The following SNX13 variants were observed in gnomAD, a reference collection of about 807,000 sequenced individuals.
The protein encoded by SNX13 is sorting nexin-13.
Under a neutral mutation model 133.6 loss-of-function variants are expected in SNX13, and 45 were observed. That is an observed-to-expected ratio of 0.34 (90% confidence interval 0.27 to 0.43). SNX13 has a LOEUF of 0.43. Among genes scored for constraint, SNX13 ranks in the 20% least tolerant of loss-of-function variants. The pLI is 1.00. For missense variants in SNX13, 1,032 were observed against 1,145.1 expected (o/e 0.90, Z 1.43); for synonymous variants, 414 against 373.9 (o/e 1.11, Z -1.24).
At chr7:17,919,725 A>G (rs1430608937) in intron 1 of SNX13, among the ~76,000 whole-genome samples, 1 of 152,236 alleles carries the variant, frequency 6.6e-6, no homozygotes, top group Non-Finnish European at 1.5e-5. Context: ...GGAAAGCGAA[A>G]CAAGCATCAT....
chr7:17,890,560 T>G, intron 4 of SNX13, 76 bp from the exon 5 acceptor site: 1 of 1,114,072 alleles, frequency 9.0e-7, no homozygotes, highest in East Asian at 2.5e-5. Flanking sequence ...TAAAAAAGTA[T>G]GCTGTATCTA....
intron 13 of SNX13, 66 bp from the exon 14 acceptor site, chr7:17,834,931 T>A: frequency 2.2e-6 from 2 of 907,302 alleles, no homozygotes; most frequent in Non-Finnish European, 3.4e-6. Context: ...CTTGATAGTA[T>A]GATAATAATG....
chr7:17,910,058 A>C (rs1583733011), intron 1 of SNX13, among the ~76,000 whole-genome samples: 1 of 152,296 alleles, frequency 6.6e-6, no homozygotes, highest in East Asian at 1.9e-4. Context: ...CAAAGGTAGA[A>C]GACAAAGAGA....
At chr7:17,932,494 A>C (rs1383294794) in intron 1 of SNX13, among the ~76,000 whole-genome samples, 1 of 152,206 alleles carries the variant, frequency 6.6e-6, no homozygotes, top group Non-Finnish European at 1.5e-5. Context: ...TTTTCACTTT[A>C]ATCTTAATTT....
At chr7:17,847,989 C>T (rs889225781) in intron 11 of SNX13, among the ~76,000 whole-genome samples, 8 of 152,146 alleles carry the variant, frequency 5.3e-5, no homozygotes, top group African/African-American at 1.9e-4. Flanking sequence ...ACACCACCCC[C>T]TCAAGCCAAA....
chr7:17,846,721 G>C (rs918043113), intron 11 of SNX13, among the ~76,000 whole-genome samples: 1 of 151,960 alleles, frequency 6.6e-6, no homozygotes, highest in African/African-American at 2.4e-5. Context: ...TGTAAGTACT[G>C]AATAATAACA....
At chr7:17,832,494 G>A (rs1046746262) in intron 15 of SNX13, 152 of 982,494 alleles carry the variant, frequency 1.5e-4, no homozygotes, top group Non-Finnish European at 1.6e-4. Context: ...TCACAAATAC[G>A]AAGAAATTTC....
intron 18 of SNX13, among the ~76,000 whole-genome samples, chr7:17,818,502 A>G (rs1029699501): frequency 1.3e-5 from 2 of 152,336 alleles, no homozygotes; most frequent in East Asian, 3.9e-4. Context: ...GTGAAAATTT[A>G]TACTCTATAT....
intron 24 of SNX13, among the ~76,000 whole-genome samples, chr7:17,797,654 T>C (rs1391853231): frequency 6.6e-6 from 1 of 151,762 alleles, no homozygotes; most frequent in Non-Finnish European, 1.5e-5. Context: ...ATTAATTAAG[T>C]CAGACTCCCT....
rs186690929 is a variant in SNX13, at chr7:17,907,624, C to G, written c.13-10178G>C. 4.6e-4 allele frequency among the ~76,000 whole-genome samples: 70 copies of G among 152,204 alleles called. 1 individual carries two copies. Among genetic ancestry groups the G allele is most frequent in the East Asian group, 1.4e-3 (7 of 5,178 alleles). Reference sequence around the variant, plus strand: ...AAACTGAGTAGGCAGCAACACCCCCCCTGAAAATAAGCCATGAATGTTTTA... The same window carrying G: ...AAACTGAGTAGGCAGCAACACCCCCGCTGAAAATAAGCCATGAATGTTTTA... On this transcript the variant is annotated intron_variant, in intron 1 of 25. Transcript: ENST00000428135.
intron 24 of SNX13, 95 bp from the exon 25 acceptor site, chr7:17,797,034 T>C (rs761016499): frequency 4.3e-5 from 41 of 952,404 alleles, no homozygotes; most frequent in Non-Finnish European, 6.5e-5. Flanking sequence ...AAAATACAAA[T>C]GTGAACAGAA....
intron 20 of SNX13, among the ~76,000 whole-genome samples, chr7:17,809,779 C>G (rs1035580891): frequency 6.6e-6 from 1 of 152,140 alleles, no homozygotes; most frequent in African/African-American, 2.4e-5. Flanking sequence ...TCTCTCAGAC[C>G]ACAGTGCAAT....
intron 19 of SNX13, among the ~76,000 whole-genome samples, chr7:17,815,193 T>C (rs1443820547): frequency 6.6e-6 from 1 of 152,178 alleles, no homozygotes; most frequent in Non-Finnish European, 1.5e-5. Context: ...GAAAGTTGTC[T>C]GAACATATTT....
At chr7:17,867,273 T>C (rs1253563427) in intron 9 of SNX13, among the ~76,000 whole-genome samples, 4 of 152,170 alleles carry the variant, frequency 2.6e-5, no homozygotes, top group Non-Finnish European at 5.9e-5. Context: ...CTGCAGGTAC[T>C]ACAATCTGGT....
intron 14 of SNX13, 37 bp downstream of exon 14, chr7:17,834,724 A>G: frequency 7.2e-7 from 1 of 1,380,422 alleles, no homozygotes; most frequent in South Asian, 1.3e-5. Context: ...TTTTTTCTCA[A>G]AAAAGATAAA....
intron 9 of SNX13, among the ~76,000 whole-genome samples, chr7:17,853,083 G>A (rs911039970): frequency 2.0e-5 from 3 of 152,126 alleles, no homozygotes; most frequent in African/African-American, 7.2e-5. Context: ...AACATAACAG[G>A]AAAAATTTAA....
intron 1 of SNX13, among the ~76,000 whole-genome samples, chr7:17,927,711 C>A (rs1385233991): frequency 3.3e-5 from 5 of 152,242 alleles, no homozygotes; most frequent in African/African-American, 1.2e-4. Context: ...TGTCTACCTC[C>A]TAAGCACTCT....
Position 17,872,458 on chromosome 7 carries a change from C to A in SNX13, c.753+1070G>T, listed in dbSNP as rs374069251. 8.5e-5 allele frequency among the ~76,000 whole-genome samples: 13 copies of A among 152,282 alleles called. No homozygotes were observed. In the South Asian group the frequency reaches 2.7e-3, roughly 32 times the overall value. ...AAATGCTATACCTGACTAGTACTAT[C>A]TTCCTTAAGTGGCAGATATGAATCT... On this transcript the variant is annotated intron_variant, in intron 8 of 25. Coordinates refer to ENST00000428135, the MANE Select transcript of SNX13 (RefSeq NM_015132.5).
intron 9 of SNX13, among the ~76,000 whole-genome samples, chr7:17,853,132 T>C (rs1371667690): frequency 6.6e-6 from 1 of 151,238 alleles, no homozygotes; most frequent in Admixed American, 6.6e-5. Context: ...ATGAGATGAG[T>C]GCTCATGAAT....
Sources: gnomAD v4.1 joint callset for allele counts (sites outside exome capture counted in the v4.1 genomes callset) on GRCh38, gnomAD v4.1.1 for gene constraint, MANE v1.5 for transcripts, NCBI Gene and HGNC (gene_info 2026-07-23, HGNC 2026-07-21) for gene names.